The following CFAP44 variants were observed in gnomAD, a reference collection of about 807,000 sequenced individuals.
CFAP44 encodes the protein cilia- and flagella-associated protein 44.
Under a neutral mutation model 216.2 loss-of-function variants are expected in CFAP44, and 134 were observed. The ratio of observed to expected loss-of-function variants is 0.62; its 90% CI spans 0.54 to 0.72. The LOEUF (loss-of-function observed/expected upper bound fraction) is 0.72, where lower values mean the gene tolerates loss of function less well. CFAP44 is among the 30% of genes least tolerant of loss of function. The probability of loss-of-function intolerance (pLI) is 0.00; values close to 1 mark genes in which losing one functional copy is unlikely to be tolerated. For synonymous variants in CFAP44, 700 were observed against 727.6 expected, an observed-to-expected ratio of 0.96 and a Z score of 0.61; for missense variants, 2,035 against 2,182.1, an observed-to-expected ratio of 0.93 and a Z score of 1.34.
intron 33 of CFAP44, among the ~76,000 whole-genome samples, chr3:113,295,228 T>C (rs571348162): frequency 6.6e-6 from 1 of 152,314 alleles, no homozygotes; most frequent in Admixed American, 6.5e-5. Context: ...TGGCCACACA[T>C]CTGTATAATG....
rs1933243590 is a variant in CFAP44, at chr3:113,373,601, C to T, written c.2299-45G>A. On this transcript the variant is annotated intron_variant, in intron 17 of 34. Transcript: ENST00000393845. ...CATAGAAGGTGGTACTTGAATATAA[C>T]ACACATAAATGCATGAGAATTTTTT... is the stretch of plus-strand genomic sequence containing the variant. 3 of 1,432,138 alleles carry T rather than the reference C, an allele frequency of 2.1e-6. No individual in the cohort carries two copies. The African/African-American group carries it at 4.3e-5, about 21-fold the overall frequency. The allele number at this position is 1,432,138 out of a possible 1,614,324, so 88.7% of individuals were successfully genotyped here. A position where few individuals can be genotyped will look rare whatever the true frequency, so the allele number is the denominator to read the frequency against.
chr3:113,337,437 T>A (rs898765014), intron 24 of CFAP44, among the ~76,000 whole-genome samples: 1 of 152,024 alleles, frequency 6.6e-6, no homozygotes, highest in Non-Finnish European at 1.5e-5. Context: ...AGATTTTGTA[T>A]ACATATAGAC....
intron 28 of CFAP44, among the ~76,000 whole-genome samples, chr3:113,321,720 T>C (rs561710254): frequency 5.1e-4 from 78 of 152,264 alleles, no homozygotes; most frequent in African/African-American, 1.8e-3. Context: ...TATACATCAA[T>C]AATGTACAGT....
At chr3:113,325,406 C>T (rs1409765835) in intron 28 of CFAP44, among the ~76,000 whole-genome samples, 1 of 151,130 alleles carries the variant, frequency 6.6e-6, no homozygotes, top group African/African-American at 2.4e-5. Context: ...ATCAAAGAAA[C>T]CGAGGTTCTA....
intron 22 of CFAP44, among the ~76,000 whole-genome samples, chr3:113,351,784 C>T (rs532096366): frequency 2.0e-5 from 3 of 152,314 alleles, no homozygotes; most frequent in Admixed American, 2.0e-4. Context: ...TATTACTCAC[C>T]TTCGGGCCCT....
chr3:113,410,977 C>T (rs1934450760), intron 6 of CFAP44, among the ~76,000 whole-genome samples: 1 of 152,156 alleles, frequency 6.6e-6, no homozygotes, highest in South Asian at 2.1e-4. Flanking sequence ...ATATCCTTCA[C>T]CCACTTTTTG....
chr3:113,385,850 A>C (rs1576583610), intron 15 of CFAP44, among the ~76,000 whole-genome samples: 1 of 150,122 alleles, frequency 6.7e-6, no homozygotes, highest in African/African-American at 2.5e-5. Flanking sequence ...CACCATGTTG[A>C]CCAGGCTTGT....
chr3:113,287,104 C>T lies in CFAP44; in HGVS notation c.*4453G>A, dbSNP rs1000493678. 7.5e-6 allele frequency: 4 copies of T among 533,840 alleles called. No homozygotes were observed. Among genetic ancestry groups the T allele is most frequent in the Admixed American group, 2.3e-5 (1 of 44,294 alleles). The allele number at this position is 533,840 out of a possible 1,614,324, so 33.1% of individuals were successfully genotyped here. A position where few individuals can be genotyped will look rare whatever the true frequency, so the allele number is the denominator to read the frequency against. On this transcript the variant is annotated 3_prime_UTR_variant, in exon 35 of 35. Coordinates refer to ENST00000393845, the MANE Select transcript of CFAP44 (RefSeq NM_001164496.2). ...TAACAGGAGTCACCCAGGAAAGCAC[C>T]GCACAGGCTGGCGCGGGACAGACTC...
Position 113,406,952 on chromosome 3 carries a change from C to G in CFAP44, c.980G>C (p.Gly327Ala). The change falls in exon 8 of 35, where the codon GGC becomes GCC. Residue 327 changes from glycine to alanine, a missense_variant. Physicochemically the swap from Gly to Ala is moderately conservative, Grantham distance 60. This residue lies in a region of CFAP44 where 1,883 missense variants were observed against 2,023.7 expected (regional missense o/e 0.93). Transcript: ENST00000393845. ...FGKTITTDIE[G>A]YMELPDGKVL... ...CTTCCCATCTGGGAGCTCCATGTAGCCTTCTATATCAGTAGTGATTGTTTT... is the reference window on the plus strand; with the variant it reads ...CTTCCCATCTGGGAGCTCCATGTAGGCTTCTATATCAGTAGTGATTGTTTT... 6.2e-7 allele frequency: 1 copy of G among 1,613,978 alleles called. No homozygotes were observed. The highest frequency in any genetic ancestry group is 1.3e-5 in the African/African-American group (1 of 75,020).
In CFAP44 at chr3:113,399,948, T is replaced by C; in HGVS notation, c.1527A>G (p.Lys509=). Residue 509 remains lysine, a synonymous_variant, in exon 13 of 35, where the codon AAA becomes AAG. Transcript: ENST00000393845. The stretch of plus-strand genomic sequence containing the variant: ...CAAGGGCAGTACCTCCTTGTTTGAA[T>C]TTCATCTGGGCCAAAGGAGTTTTGC... ...FASKTPLAQM[K]FKQGGTALVW... is the part of the protein sequence containing the mutation. 6.2e-7 allele frequency: 1 copy of C among 1,603,718 alleles called. No homozygotes were observed. The highest frequency in any genetic ancestry group is 2.3e-5 in the East Asian group (1 of 44,384).
intron 4 of CFAP44, among the ~76,000 whole-genome samples, chr3:113,424,125 A>G (rs571508177): frequency 1.3e-5 from 2 of 152,340 alleles, no homozygotes; most frequent in South Asian, 4.1e-4. Flanking sequence ...GCTAAAATTT[A>G]GAAGACATAA....
At chr3:113,402,647 G>T (rs1185403218) in intron 9 of CFAP44, among the ~76,000 whole-genome samples, 8 of 152,156 alleles carry the variant, frequency 5.3e-5, no homozygotes, top group African/African-American at 1.9e-4. Context: ...ATCAAACTAG[G>T]ATCAGACTAA....
chr3:113,309,480 T>G (rs1463803187), intron 28 of CFAP44, among the ~76,000 whole-genome samples: 1 of 152,206 alleles, frequency 6.6e-6, no homozygotes, highest in Non-Finnish European at 1.5e-5. Context: ...CTTATTGTTT[T>G]TAATAAGTGT....
intron 15 of CFAP44, among the ~76,000 whole-genome samples, chr3:113,393,001 C>T (rs1007838815): frequency 2.6e-5 from 4 of 152,176 alleles, no homozygotes; most frequent in Non-Finnish European, 5.9e-5. Flanking sequence ...CACACTGCTG[C>T]CAAAGTGAAC....
chr3:113,437,395 T>C lies in CFAP44; in HGVS notation c.-5-3726A>G, dbSNP rs1251346435. ...AATCATAAGGTGGGTAAAAAACAAT[T>C]ATGGGAACTAAAGCACTCTGAAAAC... On this transcript the variant is annotated intron_variant, in intron 1 of 34. Transcript: ENST00000393845. 7.2e-5 allele frequency among the ~76,000 whole-genome samples: 11 copies of C among 152,284 alleles called. No individual in the cohort carries two copies. The East Asian group carries it at 1.9e-3, about 27-fold the overall frequency.
chr3:113,368,677 A>C (rs1933043575), intron 18 of CFAP44, among the ~76,000 whole-genome samples: 1 of 152,156 alleles, frequency 6.6e-6, no homozygotes, highest in Admixed American at 6.5e-5. Context: ...AAGAAACTGC[A>C]TCAATTAACA....
chr3:113,426,097 T>C, intron 4 of CFAP44, 27 bp downstream of exon 4: 1 of 1,606,130 alleles, frequency 6.2e-7, no homozygotes, highest in Non-Finnish European at 8.5e-7. Context: ...AATCCCAAAA[T>C]TATACATATT....
Position 113,417,497 on chromosome 3 carries a change from A to G in CFAP44, c.571-870T>C, listed in dbSNP as rs140654929. ...ATGAAAATAAAAATAAGCTGTTATA[A>G]GGATAAGCTATTTAAAACACATATT... On this transcript the variant is annotated intron_variant, in intron 5 of 34. Coordinates refer to ENST00000393845, the MANE Select transcript of CFAP44 (RefSeq NM_001164496.2). Among the ~76,000 whole-genome samples the G allele has an allele frequency of 2.0e-5, 3 of 152,348 alleles. No homozygotes were observed. The East Asian group carries it at 5.8e-4, about 29-fold the overall frequency.
chr3:113,392,193 A>G (rs1285361073), intron 15 of CFAP44, among the ~76,000 whole-genome samples: 1 of 152,210 alleles, frequency 6.6e-6, no homozygotes, highest in African/African-American at 2.4e-5. Context: ...TGTAGTACAT[A>G]TACACAATGT....
Sources: allele counts gnomAD v4.1 joint callset (sites outside exome capture counted in the v4.1 genomes callset), GRCh38; gene constraint gnomAD v4.1.1; regional missense constraint gnomAD v4.1.1; transcripts MANE v1.5; gene names NCBI Gene and HGNC (gene_info 2026-07-23, HGNC 2026-07-21).